Variants in CDH23 observed in about 807,000 individuals in gnomAD.
CDH23 encodes cadherin related 23, also known as cadherin-23.
CDH23 carries 189 observed loss-of-function variants against 317.1 expected under a neutral mutation model. The ratio of observed to expected loss-of-function variants is 0.60; its 90% CI spans 0.53 to 0.67. The LOEUF (loss-of-function observed/expected upper bound fraction) is 0.67, where lower values mean the gene tolerates loss of function less well. Ranked by LOEUF, CDH23 falls within the 30% of genes least tolerant of loss-of-function variation. The pLI, the probability that CDH23 is intolerant of heterozygous loss-of-function variation, is 0.00. For synonymous variants in CDH23, 1,839 were observed against 1,876.8 expected, an observed-to-expected ratio of 0.98 and a Z score of 0.52; for missense variants, 4,401 against 4,592.4, an observed-to-expected ratio of 0.96 and a Z score of 1.20.
At chr10:71,790,488 C>T (rs1159308214) in intron 46 of CDH23, 75 bp downstream of exon 46, 19 of 1,556,962 alleles carry the variant, frequency 1.2e-5, no homozygotes, top group Non-Finnish European at 1.4e-5. Context: ...GATTGAGGGC[C>T]TCCCTTCTCA....
At chr10:71,739,427 G>A (rs532399459) in intron 35 of CDH23, among the ~76,000 whole-genome samples, 3 of 152,272 alleles carry the variant, frequency 2.0e-5, no homozygotes, top group African/African-American at 4.8e-5. Flanking sequence ...ATATCTCCTA[G>A]CCCCGGAACT....
chr10:71,640,246 A>G (rs937549397), intron 11 of CDH23, among the ~76,000 whole-genome samples: 2 of 152,038 alleles, frequency 1.3e-5, no homozygotes, highest in African/African-American at 4.8e-5. Context: ...TCAGTCCCTC[A>G]CTGTTGACCT....
At chr10:71,689,480 A>G (rs1171654758) in intron 19 of CDH23, among the ~76,000 whole-genome samples, 1 of 152,114 alleles carries the variant, frequency 6.6e-6, no homozygotes, top group African/African-American at 2.4e-5. Flanking sequence ...CTTCAGGGGT[A>G]TGTTATGGCT....
intron 14 of CDH23, among the ~76,000 whole-genome samples, chr10:71,667,128 G>A (rs1863934633): frequency 6.6e-6 from 1 of 152,238 alleles, no homozygotes; most frequent in Non-Finnish European, 1.5e-5. Context: ...GGAGGCAGCT[G>A]GGCCTGCCTT....
intron 3 of CDH23, among the ~76,000 whole-genome samples, chr10:71,500,018 C>CAAAAA (rs34690494): frequency 2.1e-5 from 2 of 94,826 alleles, no homozygotes; most frequent in African/African-American, 7.6e-5. Context: ...GACTCCATCT[C>CAAAAA]AAAAAAAAAA....
At chr10:71,660,435 C>T (rs1006464698) in intron 14 of CDH23, among the ~76,000 whole-genome samples, 3 of 152,184 alleles carry the variant, frequency 2.0e-5, no homozygotes, top group Admixed American at 6.5e-5. Context: ...TTCTCCACCA[C>T]CCCTAGGGTG....
At chr10:71,628,795 G>T (rs1379212761) in intron 11 of CDH23, among the ~76,000 whole-genome samples, 1 of 152,170 alleles carries the variant, frequency 6.6e-6, no homozygotes, top group African/African-American at 2.4e-5. Context: ...ACCACATCCG[G>T]CCTGAGATAA....
chr10:71,515,390 T>A (rs993608323), intron 6 of CDH23, among the ~76,000 whole-genome samples: 21 of 58,718 alleles, frequency 3.6e-4, no homozygotes, highest in African/African-American at 1.6e-3. Flanking sequence ...TCTCTCTCTC[T>A]CTCTCACACA....
chr10:71,498,007 G>T (rs1169241031), intron 3 of CDH23, among the ~76,000 whole-genome samples: 3 of 152,178 alleles, frequency 2.0e-5, no homozygotes, highest in African/African-American at 7.2e-5. Context: ...ACAAAACCAT[G>T]ACCCGGAGGT....
chr10:71,751,212 C>A lies in CDH23; in HGVS notation c.4845+9291C>A, dbSNP rs971132638. On this transcript the variant is annotated intron_variant, in intron 38 of 69. Coordinates refer to ENST00000224721, the MANE Select transcript of CDH23 (RefSeq NM_022124.6). The surrounding 1 kb of genome is among the most constrained non-coding windows in gnomAD (Gnocchi z 4.9). ...GCCAGCCCTGGCTCAAATGCACCTGCCCCAGACCCAGCCACAACAGCCCAC... is the reference window on the plus strand; with the variant it reads ...GCCAGCCCTGGCTCAAATGCACCTGACCCAGACCCAGCCACAACAGCCCAC... 5.8e-5 allele frequency: 92 copies of A among 1,593,796 alleles called. No homozygotes were observed. The highest frequency in any genetic ancestry group is 7.9e-5 in the Non-Finnish European group (92 of 1,168,712).
Position 71,751,595 on chromosome 10 carries a change from A to G in CDH23, c.4845+9674A>G. The G allele has an allele frequency of 5.4e-6, 8 of 1,470,630 alleles. No homozygotes were observed. In the South Asian group the frequency reaches 1.1e-4, roughly 20 times the overall value. 91.1% of individuals were successfully genotyped at this position (1,470,630 alleles called of 1,614,324 possible). A position where few individuals can be genotyped will look rare whatever the true frequency, so the allele number is the denominator to read the frequency against. On this transcript the variant is annotated intron_variant, in intron 38 of 69. Transcript: ENST00000224721. This position sits in a 1 kb window ranked among gnomAD's most constrained non-coding sequence, Gnocchi z 4.9. Reference sequence around the variant, plus strand: ...AACTCTTCAGGGAGGGCAGGGAGTGAGGCCGATGCCCTGCAGGCCATGAGG... The same window carrying G: ...AACTCTTCAGGGAGGGCAGGGAGTGGGGCCGATGCCCTGCAGGCCATGAGG...
In CDH23 at chr10:71,604,097, T is replaced by C. The variant is rs10999911; in HGVS notation, c.833-11407T>C. 0.028 allele frequency among the ~76,000 whole-genome samples: 4,257 copies of C among 152,172 alleles called. 294 individuals are homozygous for C. In the East Asian group the frequency reaches 0.29, roughly 10 times the overall value. On this transcript the variant is annotated intron_variant, in intron 9 of 69. Coordinates refer to ENST00000224721, the MANE Select transcript of CDH23 (RefSeq NM_022124.6). ...CATTTAATCTCTCTGTGCCTCTGTT[T>C]TCTCACCTGTAAAATGGGAATAACA...
chr10:71,553,247 G>A (rs1389379707), intron 6 of CDH23, among the ~76,000 whole-genome samples: 1 of 152,136 alleles, frequency 6.6e-6, no homozygotes, highest in East Asian at 1.9e-4. Flanking sequence ...AAGGTCCCCA[G>A]AGCCCAGTGA....
In CDH23 at chr10:71,615,579, AC is replaced by A. The variant is rs1393567447; in HGVS notation, c.913del (p.Leu305CysfsTer8). On this transcript the variant is annotated frameshift_variant, in exon 10 of 70. Coordinates refer to ENST00000224721, the MANE Select transcript of CDH23 (RefSeq NM_022124.6). LOFTEE classifies it high-confidence loss of function. ...TTGAATGGCCTGCTGGACCGGGAGA[AC>A]CCCCTGTACAGCCATGGCTTCATCC... The part of the protein sequence containing the change: ...LTLNGLLDRE[N>X]PLYSHGFILT... 5.6e-6 allele frequency: 9 copies of A among 1,613,274 alleles called. No individual in the cohort carries two copies. Among genetic ancestry groups the A allele is most frequent in the Non-Finnish European group, 7.6e-6 (9 of 1,179,744 alleles).
In CDH23 at chr10:71,397,221, G is replaced by A; in HGVS notation, c.-103G>A. 1 of 243,572 alleles carries A rather than the reference G, an allele frequency of 4.1e-6. No individual in the cohort carries two copies. The allele number at this position is 243,572 out of a possible 1,614,324, so 15.1% of individuals were successfully genotyped here. A position where few individuals can be genotyped will look rare whatever the true frequency, so the allele number is the denominator to read the frequency against. On this transcript the variant is annotated 5_prime_UTR_variant, in exon 1 of 70. The change creates a new upstream start codon in the 5' untranslated region. Coordinates refer to ENST00000224721, the MANE Select transcript of CDH23 (RefSeq NM_022124.6). The surrounding 1 kb of genome is among the most constrained non-coding windows in gnomAD (Gnocchi z 4.8). ...TTCGCGCCGGCGGGAAGACGCGGCG[G>A]TGGCCAGGGCCAGAGCAGGCGGCCC...
In CDH23 at chr10:71,785,032, T is replaced by G. The variant is rs1198788161; in HGVS notation, c.5644T>G (p.Cys1882Gly). ...CCTGGCCAGTGACGCTGACAGTGGC[T>G]GCAATGCACGCCTCACCTTCAACAT... Reference protein sequence around the residue: ...HVLASDADSGCNARLTFNITA... With the variant: ...HVLASDADSGGNARLTFNITA... The change falls in exon 43 of 70, where the codon TGC becomes GGC. Residue 1882 changes from cysteine to glycine, a missense_variant. This residue lies in a region of CDH23 where 3,068 missense variants were observed against 3,203.3 expected (regional missense o/e 0.96). Coordinates refer to ENST00000224721, the MANE Select transcript of CDH23 (RefSeq NM_022124.6). 6 of 1,614,082 alleles carry G rather than the reference T, an allele frequency of 3.7e-6. No individual in the cohort carries two copies. Among genetic ancestry groups the G allele is most frequent in the Non-Finnish European group, 5.1e-6 (6 of 1,179,900 alleles).
rs115461422 is a variant in CDH23 at position 71,548,867 on chromosome 10, G to C, written c.430-17875G>C. ...TTCTTGAAAAACCAGCTCTGAGCCT[G>C]ACTAGGCCTCTATCTTGGTTCAAGA... On this transcript the variant is annotated intron_variant, in intron 6 of 69. Coordinates refer to ENST00000224721, the MANE Select transcript of CDH23 (RefSeq NM_022124.6). 3.1e-3 allele frequency among the ~76,000 whole-genome samples: 469 copies of C among 152,356 alleles called. 8 individuals are homozygous for C. The highest frequency in any genetic ancestry group is 0.011 in the African/African-American group (449 of 41,582).
At chr10:71,668,722 T>G (rs1864015930) in intron 14 of CDH23, among the ~76,000 whole-genome samples, 1 of 152,160 alleles carries the variant, frequency 6.6e-6, no homozygotes, top group African/African-American at 2.4e-5. Context: ...CCCCTTCCCC[T>G]CGCTACAGCC....
At chr10:71,458,824 G>C (rs558709495) in intron 3 of CDH23, among the ~76,000 whole-genome samples, 4 of 152,316 alleles carry the variant, frequency 2.6e-5, no homozygotes, top group African/African-American at 7.2e-5. Flanking sequence ...GTCTCGCTCT[G>C]TTTCCTGGGC....
Sources: gnomAD v4.1 joint callset for allele counts (sites outside exome capture counted in the v4.1 genomes callset) on GRCh38, gnomAD v4.1.1 for gene constraint, gnomAD v4.1.1 regional missense constraint, Gnocchi (gnomAD v3.1) non-coding constraint, MANE v1.5 for transcripts, NCBI Gene and HGNC (gene_info 2026-07-23, HGNC 2026-07-21) for gene names.